Variants in CDH13 observed in about 807,000 individuals in gnomAD.
CDH13 encodes the protein cadherin 13, also known as cadherin-13.
Under a neutral mutation model 63.8 loss-of-function variants are expected in CDH13, and 24 were observed. The observed-to-expected ratio is 0.38, with a 90% CI of 0.27 to 0.53. The LOEUF is 0.53. Among genes scored for constraint, CDH13 ranks in the 20% least tolerant of loss-of-function variants. The pLI, the probability that CDH13 is intolerant of heterozygous loss-of-function variation, is 0.85. For synonymous variants in CDH13, 503 were observed against 355.3 expected (o/e 1.42, Z -4.67); for missense variants, 1,049 against 903.1 (o/e 1.16, Z -2.07).
chr16:83,604,695 T>C (rs1908164537), intron 8 of CDH13, among the ~76,000 whole-genome samples: 1 of 152,206 alleles, frequency 6.6e-6, no homozygotes, highest in Non-Finnish European at 1.5e-5. Flanking sequence ...TTATAATTTC[T>C]TTTCAACCTA....
At chr16:82,834,340 G>A (rs941578040) in intron 1 of CDH13, among the ~76,000 whole-genome samples, 2 of 152,150 alleles carry the variant, frequency 1.3e-5, no homozygotes, top group Admixed American at 6.5e-5. Flanking sequence ...AAACCACCAC[G>A]AGGAGGCCCC....
intron 3 of CDH13, among the ~76,000 whole-genome samples, chr16:83,102,965 T>TTTTTC (rs2034570233): frequency 3.5e-4 from 38 of 107,852 alleles, no homozygotes; most frequent in East Asian, 8.3e-4. Context: ...TTTTTTTTTT[T>TTTTTC]TTTTTGAGGT....
intron 5 of CDH13, among the ~76,000 whole-genome samples, chr16:83,320,139 A>C (rs2090189256): frequency 6.6e-6 from 1 of 152,092 alleles, no homozygotes; most frequent in Non-Finnish European, 1.5e-5. Flanking sequence ...TCTCAGGCTC[A>C]AGTGATCCTT....
At chr16:83,535,062 A>G (rs1372167850) in intron 7 of CDH13, among the ~76,000 whole-genome samples, 1 of 152,190 alleles carries the variant, frequency 6.6e-6, no homozygotes, top group Non-Finnish European at 1.5e-5. Context: ...GGTCCTGGGA[A>G]TTATTAGGAT....
At chr16:82,853,566 C>A (rs2039576490) in intron 1 of CDH13, among the ~76,000 whole-genome samples, 1 of 152,260 alleles carries the variant, frequency 6.6e-6, no homozygotes, top group Non-Finnish European at 1.5e-5. Flanking sequence ...GTTACTTGCC[C>A]AAGGATAGCC....
At chr16:83,289,765 T>A (rs2089420011) in intron 5 of CDH13, among the ~76,000 whole-genome samples, 1 of 152,162 alleles carries the variant, frequency 6.6e-6, no homozygotes, top group Non-Finnish European at 1.5e-5. Flanking sequence ...GGATAATAAT[T>A]TCCTTTCTGA....
At chr16:82,821,271 A>C (rs1393714070) in intron 1 of CDH13, among the ~76,000 whole-genome samples, 2 of 151,692 alleles carry the variant, frequency 1.3e-5, no homozygotes, top group Non-Finnish European at 2.9e-5. Flanking sequence ...TGGAACATTA[A>C]TGACTGTTTA....
chr16:82,742,238 AT>A (rs1256821315), intron 1 of CDH13, among the ~76,000 whole-genome samples: 1 of 152,164 alleles, frequency 6.6e-6, no homozygotes, highest in East Asian at 1.9e-4. Flanking sequence ...CAAAAACTGA[AT>A]TTGAAAGAAA....
intron 5 of CDH13, among the ~76,000 whole-genome samples, chr16:83,316,560 A>T (rs183103656): frequency 3.9e-5 from 6 of 152,264 alleles, no homozygotes; most frequent in Admixed American, 3.9e-4. Context: ...GTGCTAGGGA[A>T]TGTGGTCTAG....
At chr16:83,635,092 C>G (rs1911134734) in intron 8 of CDH13, among the ~76,000 whole-genome samples, 1 of 152,150 alleles carries the variant, frequency 6.6e-6, no homozygotes, top group South Asian at 2.1e-4. Context: ...TGTTATCACT[C>G]TTTTTCATTA....
At chr16:83,315,755 A>G (rs1434816146) in intron 5 of CDH13, among the ~76,000 whole-genome samples, 1 of 152,102 alleles carries the variant, frequency 6.6e-6, no homozygotes, top group Non-Finnish European at 1.5e-5. Flanking sequence ...CCCTTAGGTG[A>G]CCATCAATTT....
At chr16:83,614,634 A>G (rs1184883460) in intron 8 of CDH13, among the ~76,000 whole-genome samples, 1 of 152,186 alleles carries the variant, frequency 6.6e-6, no homozygotes, top group African/African-American at 2.4e-5. Context: ...GGGGGGTTTT[A>G]TATTAAATCC....
At chr16:82,948,150 A>G (rs1163030821) in intron 2 of CDH13, among the ~76,000 whole-genome samples, 1 of 152,124 alleles carries the variant, frequency 6.6e-6, no homozygotes, top group African/African-American at 2.4e-5. Flanking sequence ...AAGAAATGAA[A>G]CACCATTTTG....
chr16:83,553,078 CA>C (rs55928810), intron 7 of CDH13, among the ~76,000 whole-genome samples: 88,315 of 134,218 alleles, frequency 0.66, 28,106 homozygotes, highest in Middle Eastern at 0.71. Context: ...GACTCCATCT[CA>C]AAAAAAAAAA....
chr16:83,112,933 A>G (rs112760495), intron 3 of CDH13, among the ~76,000 whole-genome samples: 3,876 of 152,278 alleles, frequency 0.025, 157 homozygotes, highest in African/African-American at 0.088. Context: ...TACAGCACTT[A>G]TAAAGGAGGA....
intron 10 of CDH13, among the ~76,000 whole-genome samples, chr16:83,680,840 A>G (rs1364313396): frequency 1.3e-5 from 2 of 152,062 alleles, no homozygotes; most frequent in Non-Finnish European, 2.9e-5. Flanking sequence ...GGAAAAGTCC[A>G]TGGGAACAAA....
At chr16:83,713,229 G>A (rs1348416341) in intron 10 of CDH13, among the ~76,000 whole-genome samples, 1 of 152,120 alleles carries the variant, frequency 6.6e-6, no homozygotes, top group Non-Finnish European at 1.5e-5. Context: ...AACGGGCTGG[G>A]GTCCTTCATG....
chr16:82,687,195 G>T (rs1418341425), intron 1 of CDH13, among the ~76,000 whole-genome samples: 1 of 152,180 alleles, frequency 6.6e-6, no homozygotes. Context: ...GTCAGGGAAA[G>T]GTCAGTGCCT....
intron 1 of CDH13, among the ~76,000 whole-genome samples, chr16:82,855,385 T>G (rs1279712824): frequency 6.6e-6 from 1 of 152,192 alleles, no homozygotes; most frequent in Non-Finnish European, 1.5e-5. Flanking sequence ...TTTCACCTTC[T>G]TTACTTCCTA....
Sources: allele counts gnomAD v4.1 joint callset (sites outside exome capture counted in the v4.1 genomes callset), GRCh38; gene constraint gnomAD v4.1.1; transcripts MANE v1.5; gene names NCBI Gene and HGNC (gene_info 2026-07-23, HGNC 2026-07-21).